PICALM: variants seen among roughly 807,000 people sequenced by gnomAD.
PICALM encodes the protein phosphatidylinositol-binding clathrin assembly protein.
Under a neutral mutation model 80.5 loss-of-function variants are expected in PICALM, and 40 were observed. The observed-to-expected ratio is 0.50, with a 90% confidence interval of 0.39 to 0.65. PICALM has a LOEUF of 0.65. Ranked by LOEUF, PICALM falls within the 30% of genes least tolerant of loss-of-function variation. PICALM has a pLI of 0.00. For missense variants in PICALM, 676 were observed against 778.9 expected (o/e 0.87, Z 1.57); for synonymous variants, 288 against 260.3 (o/e 1.11, Z -1.02).
intron 19 of PICALM, among the ~76,000 whole-genome samples, chr11:85,961,277 C>A (rs2093679975): frequency 6.6e-6 from 1 of 152,172 alleles, no homozygotes; most frequent in African/African-American, 2.4e-5. Context: ...GTCCTAGGTT[C>A]ACACACTTTT....
chr11:86,036,426 T>G (rs187663521), intron 1 of PICALM, among the ~76,000 whole-genome samples: 267 of 152,318 alleles, frequency 1.8e-3, no homozygotes, highest in African/African-American at 6.1e-3. Context: ...TAACTTCCAG[T>G]AGAATTAACT....
At chr11:85,975,257 C>T (rs2094240883) in intron 18 of PICALM, among the ~76,000 whole-genome samples, 2 of 151,998 alleles carry the variant, frequency 1.3e-5, no homozygotes, top group African/African-American at 4.8e-5. Flanking sequence ...ACAGTTGATT[C>T]TCTGAATAAG....
In PICALM at chr11:86,022,446, TA is replaced by T; in HGVS notation, c.372del (p.Arg125GlyfsTer7). 1 of 1,566,066 alleles carries T rather than the reference TA, an allele frequency of 6.4e-7. No homozygotes were observed. The highest frequency in any genetic ancestry group is 1.2e-5 in the South Asian group (1 of 86,678). ...GLQGYDMSTF[I>X]RRYSRYLNEK... ...TCATTTAAATATCTACTATACCGCC[TA>T]ATAAATGTAGACATGTCATATCCTG... On this transcript the variant is annotated frameshift_variant, in exon 4 of 20. Transcript: ENST00000393346. LOFTEE classifies it high-confidence loss of function.
intron 1 of PICALM, among the ~76,000 whole-genome samples, chr11:86,037,026 A>G (rs998123204): frequency 2.0e-5 from 3 of 151,000 alleles, no homozygotes; most frequent in African/African-American, 7.3e-5. Flanking sequence ...GCTCACTGCA[A>G]CCTCCGCCTC....
intron 1 of PICALM, among the ~76,000 whole-genome samples, chr11:86,061,547 A>G (rs528924230): frequency 5.9e-5 from 9 of 152,250 alleles, no homozygotes; most frequent in Non-Finnish European, 1.0e-4. Context: ...ATGCAAATTA[A>G]AACAATACCA....
chr11:86,023,074 T>C (rs903559031), intron 3 of PICALM, among the ~76,000 whole-genome samples: 3 of 152,196 alleles, frequency 2.0e-5, no homozygotes, highest in African/African-American at 7.2e-5. Context: ...TGACCTTGAC[T>C]TGAAAACTTT....
At position 86,041,410 on chromosome 11, in the gene PICALM, A is replaced by G. The variant is rs145472066; in HGVS notation, c.131-9799T>C. Reference sequence around the variant, plus strand: ...TATACTGATATTATGAACTACCTCAATAAAAAGCCTCTACTTCAAGAACGG... The same window carrying G: ...TATACTGATATTATGAACTACCTCAGTAAAAAGCCTCTACTTCAAGAACGG... On this transcript the variant is annotated intron_variant, in intron 1 of 19. Coordinates refer to ENST00000393346, the MANE Select transcript of PICALM (RefSeq NM_007166.4). 4.5e-3 allele frequency among the ~76,000 whole-genome samples: 684 copies of G among 152,248 alleles called. 3 individuals are homozygous for G. The highest frequency in any genetic ancestry group is 0.016 in the African/African-American group (657 of 41,538).
chr11:85,981,245 G>A lies in PICALM; in HGVS notation c.1680-17C>T, dbSNP rs762672225. The A allele has an allele frequency of 1.6e-6, 2 of 1,270,312 alleles. No individual in the cohort carries two copies. Among genetic ancestry groups the A allele is most frequent in the Non-Finnish European group, 2.3e-6 (2 of 867,070 alleles). The allele number at this position is 1,270,312 out of a possible 1,614,324, so 78.7% of individuals were successfully genotyped here. A position where few individuals can be genotyped will look rare whatever the true frequency, so the allele number is the denominator to read the frequency against. ...TTTACATCACTTTAAATAAACATAAGTGAGAATATTAAATGTCTCTAATTA... is the reference window on the plus strand; with the variant it reads ...TTTACATCACTTTAAATAAACATAAATGAGAATATTAAATGTCTCTAATTA... On this transcript the variant is annotated splice_polypyrimidine_tract_variant and intron_variant, in intron 16 of 19. Transcript: ENST00000393346.
At chr11:86,028,674 G>A (rs1241417166) in intron 2 of PICALM, among the ~76,000 whole-genome samples, 1 of 151,986 alleles carries the variant, frequency 6.6e-6, no homozygotes, top group African/African-American at 2.4e-5. Flanking sequence ...CAGTATAAAA[G>A]TACCTACCTG....
rs1053363423 is a variant in PICALM at position 85,997,031 on chromosome 11, G to C, written c.1155-102C>G. 2.5e-4 allele frequency: 158 copies of C among 621,432 alleles called. 1 individual carries two copies. The highest frequency in any genetic ancestry group is 2.5e-3 in the Middle Eastern group (10 of 3,976). The allele number at this position is 621,432 out of a possible 1,614,324, so 38.5% of individuals were successfully genotyped here. A position where few individuals can be genotyped will look rare whatever the true frequency, so the allele number is the denominator to read the frequency against. On this transcript the variant is annotated intron_variant, in intron 11 of 19. Coordinates refer to ENST00000393346, the MANE Select transcript of PICALM (RefSeq NM_007166.4). ...ACAGATAAAAACATTAAAAACAAGGGAGAAAAGTCTCATTAATATAAATCT... is the reference window on the plus strand; with the variant it reads ...ACAGATAAAAACATTAAAAACAAGGCAGAAAAGTCTCATTAATATAAATCT...
intron 17 of PICALM, chr11:85,978,171 C>CA (rs1019280664): frequency 8.2e-7 from 1 of 1,220,978 alleles, no homozygotes; most frequent in Non-Finnish European, 1.2e-6. Context: ...AGAAAATACA[C>CA]AGAGAGCATT....
intron 19 of PICALM, among the ~76,000 whole-genome samples, chr11:85,963,126 G>C (rs1445151873): frequency 6.6e-6 from 1 of 152,024 alleles, no homozygotes; most frequent in African/African-American, 2.4e-5. Context: ...CATGATGTAG[G>C]GTTGCTAAAG....
chr11:86,053,740 A>G (rs1221281923), intron 1 of PICALM, among the ~76,000 whole-genome samples: 1 of 152,008 alleles, frequency 6.6e-6, no homozygotes, highest in African/African-American at 2.4e-5. Context: ...AATAATTTTT[A>G]TATTTTCAGT....
At chr11:86,056,398 T>A (rs2096270592) in intron 1 of PICALM, among the ~76,000 whole-genome samples, 1 of 146,696 alleles carries the variant, frequency 6.8e-6, no homozygotes, top group Non-Finnish European at 1.5e-5. Context: ...AATAACCACA[T>A]AAAGAAATGC....
At chr11:85,982,706 C>T (rs573032487) in intron 14 of PICALM, among the ~76,000 whole-genome samples, 1 of 151,470 alleles carries the variant, frequency 6.6e-6, no homozygotes, top group African/African-American at 2.4e-5. Flanking sequence ...GGATTACAGG[C>T]GTGAGCCACC....
chr11:86,028,917 A>C lies in PICALM; in HGVS notation c.274-2550T>G, dbSNP rs147260289. 4.7e-3 allele frequency among the ~76,000 whole-genome samples: 713 copies of C among 150,658 alleles called. 2 individuals carry two copies. Among genetic ancestry groups the C allele is most frequent in the Non-Finnish European group, 7.8e-3 (531 of 67,754 alleles). On this transcript the variant is annotated intron_variant, in intron 2 of 19. Coordinates refer to ENST00000393346, the MANE Select transcript of PICALM (RefSeq NM_007166.4). ...GCAAAGGTGTCATCTCGCTCACTGC[A>C]ACCTCCGCTTCCCAGGTTTAAGCGA...
At chr11:86,066,459 G>GC (rs2096449550) in intron 1 of PICALM, among the ~76,000 whole-genome samples, 1 of 152,118 alleles carries the variant, frequency 6.6e-6, no homozygotes, top group South Asian at 2.1e-4. Context: ...AACGACAAAT[G>GC]CAAGATTATC....
At chr11:85,960,299 A>G (rs886407076) in intron 19 of PICALM, among the ~76,000 whole-genome samples, 2 of 152,222 alleles carry the variant, frequency 1.3e-5, no homozygotes, top group African/African-American at 4.8e-5. Context: ...TGGGGGCTAG[A>G]GCATCAAGAA....
intron 1 of PICALM, among the ~76,000 whole-genome samples, chr11:86,031,927 C>G (rs528573940): frequency 6.6e-6 from 1 of 152,266 alleles, no homozygotes; most frequent in East Asian, 1.9e-4. Context: ...CCTTCTATTT[C>G]CTTACTACTT....
Sources: gnomAD v4.1 joint callset for allele counts (sites outside exome capture counted in the v4.1 genomes callset) on GRCh38, gnomAD v4.1.1 for gene constraint, MANE v1.5 for transcripts, NCBI Gene and HGNC (gene_info 2026-07-23, HGNC 2026-07-21) for gene names.